The following DOCK10 variants were observed in gnomAD, a reference collection of about 807,000 sequenced individuals.
DOCK10 encodes dedicator of cytokinesis protein 10.
In DOCK10, 145 loss-of-function variants were observed where a neutral mutation model predicts 280.1. That is an observed-to-expected ratio of 0.52 (90% confidence interval 0.45 to 0.59). The LOEUF (loss-of-function observed/expected upper bound fraction) is 0.59, where lower values mean the gene tolerates loss of function less well. DOCK10 is among the 20% of genes least tolerant of loss of function. DOCK10 has a pLI of 0.00. For missense variants in DOCK10, 2,368 were observed against 2,651.7 expected (o/e 0.89, Z 2.35); for synonymous variants, 915 against 942.2 (o/e 0.97, Z 0.53).
intron 1 of DOCK10, among the ~76,000 whole-genome samples, chr2:224,958,017 C>G (rs1257380502): frequency 6.6e-6 from 1 of 152,194 alleles, no homozygotes; most frequent in Non-Finnish European, 1.5e-5. Flanking sequence ...CTGTGCTGGC[C>G]TTCACACTTA....
At chr2:224,806,812 G>T (rs1312349962) in intron 33 of DOCK10, among the ~76,000 whole-genome samples, 1 of 152,060 alleles carries the variant, frequency 6.6e-6, no homozygotes, top group East Asian at 1.9e-4. Context: ...GTCTTGCTAT[G>T]TTGCCCAGGT....
At chr2:224,846,500 C>CTTTTTT (rs796471168) in intron 19 of DOCK10, among the ~76,000 whole-genome samples, 2 of 129,058 alleles carry the variant, frequency 1.5e-5, no homozygotes, top group African/African-American at 3.1e-5. Flanking sequence ...TGACCTCTGG[C>CTTTTTT]TTTTTTTTTT....
chr2:224,778,227 C>A lies in DOCK10; in HGVS notation c.5713G>T (p.Gly1905Cys), dbSNP rs1691012008. The A allele has an allele frequency of 1.2e-6, 2 of 1,611,562 alleles. No homozygotes were observed. The highest frequency in any genetic ancestry group is 1.7e-6 in the Non-Finnish European group (2 of 1,178,494). The change falls in exon 51 of 56, where the codon GGT (glycine) becomes TGT (cysteine). Residue 1905 changes from glycine to cysteine, a missense_variant. Physicochemically the swap from Gly to Cys is radical, Grantham distance 159. Coordinates refer to ENST00000258390, the MANE Select transcript of DOCK10 (RefSeq NM_014689.3). ...EYIYKEPKLT[G>C]LSEISQRLLK... ...AATCTTTGGGAAATCTCGGACAGAC[C>A]TGTCAGCTTAGGCTCTTTATAAATA...
At chr2:225,041,807 G>C (rs1266987121) in intron 1 of DOCK10, among the ~76,000 whole-genome samples, 1 of 152,126 alleles carries the variant, frequency 6.6e-6, no homozygotes, top group African/African-American at 2.4e-5. Flanking sequence ...CTCTCTCTCA[G>C]CGCACTGGTC....
chr2:224,820,794 C>T (rs1694458388), intron 28 of DOCK10, among the ~76,000 whole-genome samples: 1 of 152,074 alleles, frequency 6.6e-6, no homozygotes, highest in Admixed American at 6.5e-5. Flanking sequence ...AGAGAAATAC[C>T]ACAGATGTTT....
intron 26 of DOCK10, among the ~76,000 whole-genome samples, chr2:224,831,371 G>T (rs1695218480): frequency 6.6e-6 from 1 of 152,176 alleles, no homozygotes; most frequent in Non-Finnish European, 1.5e-5. Context: ...AAATATGTTT[G>T]ATCCTCCTAC....
intron 4 of DOCK10, among the ~76,000 whole-genome samples, chr2:224,893,120 C>T (rs1699795798): frequency 6.6e-6 from 1 of 152,136 alleles, no homozygotes; most frequent in Non-Finnish European, 1.5e-5. Context: ...ACCTGGATTA[C>T]CCAGTGTGGG....
At chr2:225,035,076 T>G (rs1559985176) in intron 1 of DOCK10, among the ~76,000 whole-genome samples, 1 of 152,152 alleles carries the variant, frequency 6.6e-6, no homozygotes, top group Non-Finnish European at 1.5e-5. Flanking sequence ...TTCAGGAAAC[T>G]GAGTCTTCAA....
intron 11 of DOCK10, among the ~76,000 whole-genome samples, chr2:224,869,763 A>T (rs1698149979): frequency 6.6e-6 from 1 of 152,134 alleles, no homozygotes; most frequent in Non-Finnish European, 1.5e-5. Context: ...GCCTGGGGAG[A>T]TTGGCCCAAA....
chr2:224,906,890 A>G (rs1466367309), intron 3 of DOCK10, among the ~76,000 whole-genome samples: 1 of 152,220 alleles, frequency 6.6e-6, no homozygotes, highest in Non-Finnish European at 1.5e-5. Flanking sequence ...GAGGGCAGGG[A>G]CTGTGTTTAG....
intron 1 of DOCK10, among the ~76,000 whole-genome samples, chr2:224,977,410 C>T (rs141401218): frequency 1.3e-5 from 2 of 152,244 alleles, no homozygotes; most frequent in Non-Finnish European, 2.9e-5. Context: ...GAAAAACATT[C>T]TCTTTCGGGG....
At chr2:224,801,403 TAA>T (rs1693005966) in intron 40 of DOCK10, among the ~76,000 whole-genome samples, 1 of 151,928 alleles carries the variant, frequency 6.6e-6, no homozygotes, top group Non-Finnish European at 1.5e-5. Context: ...TAGGGTTAAC[TAA>T]AACCCCTCTG....
intron 3 of DOCK10, among the ~76,000 whole-genome samples, chr2:224,914,032 C>T (rs1575048439): frequency 1.3e-5 from 2 of 152,296 alleles, no homozygotes; most frequent in East Asian, 3.9e-4. Context: ...CCACCTCACC[C>T]GGCCTATAAC....
chr2:224,843,299 T>C (rs1209516335), intron 22 of DOCK10, among the ~76,000 whole-genome samples: 1 of 152,012 alleles, frequency 6.6e-6, no homozygotes, highest in Non-Finnish European at 1.5e-5. Flanking sequence ...TGCCAGTGCA[T>C]GGGTAGTGAG....
At chr2:224,967,158 C>T (rs999715057) in intron 1 of DOCK10, among the ~76,000 whole-genome samples, 8 of 151,412 alleles carry the variant, frequency 5.3e-5, no homozygotes, top group East Asian at 2.0e-4. Flanking sequence ...CGGCTCACTG[C>T]AAGCTCCACC....
rs377250318 is a variant in DOCK10 at position 225,001,487 on chromosome 2, A to G, written c.123+40765T>C. On this transcript the variant is annotated intron_variant, in intron 1 of 55. Coordinates refer to ENST00000258390, the MANE Select transcript of DOCK10 (RefSeq NM_014689.3). The stretch of plus-strand genomic sequence containing the variant: ...GTGTATTTAGTAGAGATGGGGTTTT[A>G]CCATGTTAGCCAGGATGGTCTTGAT... Among the ~76,000 whole-genome samples the G allele has an allele frequency of 2.7e-4, 41 of 152,048 alleles. No individual in the cohort carries two copies. In the South Asian group the frequency reaches 5.0e-3, roughly 19 times the overall value.
chr2:224,838,596 T>C (rs1363966527), intron 24 of DOCK10, among the ~76,000 whole-genome samples: 1 of 152,192 alleles, frequency 6.6e-6, no homozygotes, highest in African/African-American at 2.4e-5. Flanking sequence ...GATATTTAAA[T>C]TGTCCAGAAT....
At chr2:224,891,374 CAAAGT>C (rs1699651003) in intron 4 of DOCK10, among the ~76,000 whole-genome samples, 3 of 152,028 alleles carry the variant, frequency 2.0e-5, no homozygotes, top group African/African-American at 4.8e-5. Flanking sequence ...AAACTATTCT[CAAAGT>C]AAAGGTTGAG....
chr2:224,973,406 G>C (rs999567740), intron 1 of DOCK10, among the ~76,000 whole-genome samples: 1 of 152,104 alleles, frequency 6.6e-6, no homozygotes, highest in Non-Finnish European at 1.5e-5. Flanking sequence ...GGGTCCTTAC[G>C]AGTGAAAGAG....
Sources: gnomAD v4.1 joint callset for allele counts (sites outside exome capture counted in the v4.1 genomes callset) on GRCh38, gnomAD v4.1.1 for gene constraint, MANE v1.5 for transcripts, NCBI Gene and HGNC (gene_info 2026-07-23, HGNC 2026-07-21) for gene names.